PRKCB: variants seen among roughly 807,000 people sequenced by gnomAD.
PRKCB encodes protein kinase C beta.
In PRKCB, 13 loss-of-function variants were observed where a neutral mutation model predicts 81.5. That is an observed-to-expected ratio of 0.16 (90% CI 0.10 to 0.25). The LOEUF (loss-of-function observed/expected upper bound fraction) is 0.25, where lower values mean the gene tolerates loss of function less well. Ranked by LOEUF, PRKCB falls within the 10% of genes least tolerant of loss-of-function variation. The pLI is 1.00. For missense variants in PRKCB, 509 were observed against 875.7 expected (o/e 0.58, Z 5.29); for synonymous variants, 335 against 321.4 (o/e 1.04, Z -0.45).
At chr16:23,916,076 C>T (rs1285778444) in intron 2 of PRKCB, among the ~76,000 whole-genome samples, 1 of 151,990 alleles carries the variant, frequency 6.6e-6, no homozygotes, top group Non-Finnish European at 1.5e-5. Context: ...TTTTTAGAGA[C>T]AGGATCTTGC....
intron 8 of PRKCB, among the ~76,000 whole-genome samples, chr16:24,118,788 T>C (rs1966764253): frequency 6.6e-6 from 1 of 152,188 alleles, no homozygotes; most frequent in South Asian, 2.1e-4. Context: ...AAGGACGAGT[T>C]TAATTTGTGC....
chr16:23,843,987 A>G (rs1374791227), intron 2 of PRKCB, among the ~76,000 whole-genome samples: 7 of 152,206 alleles, frequency 4.6e-5, no homozygotes, highest in Admixed American at 1.3e-4. Context: ...GTATACACAC[A>G]CATATATGTA....
At chr16:24,173,419 A>G (rs1239522083) in intron 11 of PRKCB, among the ~76,000 whole-genome samples, 2 of 152,078 alleles carry the variant, frequency 1.3e-5, no homozygotes, top group African/African-American at 2.4e-5. Flanking sequence ...ACCTTGTCAT[A>G]CTAGAGGCTT....
chr16:24,220,600 T>A lies in PRKCB; in HGVS notation c.*5784T>A, dbSNP rs1968307557. ...AAGAATTGATATGATTAAACTGAAT[T>A]AATATATGCAAGCTCTTGTTTATAT... On this transcript the variant is annotated 3_prime_UTR_variant, in exon 17 of 17. Transcript: ENST00000643927. 1 of 153,504 alleles carries A rather than the reference T, an allele frequency of 6.5e-6. No individual in the cohort carries two copies. Among genetic ancestry groups the A allele is most frequent in the South Asian group, 2.0e-4 (1 of 4,920 alleles). 9.5% of individuals were successfully genotyped at this position (153,504 alleles called of 1,614,324 possible).
chr16:23,990,161 A>G (rs928817944), intron 3 of PRKCB, among the ~76,000 whole-genome samples: 8 of 152,132 alleles, frequency 5.3e-5, no homozygotes, highest in African/African-American at 1.9e-4. Context: ...TAGATGGGAG[A>G]AGAAGCTTTT....
At chr16:23,847,438 A>G (rs28458436) in intron 2 of PRKCB, among the ~76,000 whole-genome samples, 72,195 of 112,102 alleles carry the variant, frequency 0.64, 18,315 homozygotes, top group South Asian at 0.69. Flanking sequence ...CCGTCTGTCC[A>G]TCCATCCATC....
In PRKCB at chr16:24,185,131, T is replaced by C; in HGVS notation, c.1554T>C (p.Tyr518=). The change falls in exon 14 of 17, where the codon TAT becomes TAC. Residue 518 remains tyrosine (Y), a synonymous_variant. Coordinates refer to ENST00000643927, the MANE Select transcript of PRKCB (RefSeq NM_002738.7). ...TCTAGATAATTGCTTATCAGCCCTA[T>C]GGGAAGTCCGTGGATTGGTGGGCAT... ...IAPEIIAYQP[Y]GKSVDWWAFG... is the part of the protein sequence containing the mutation. The C allele has an allele frequency of 6.2e-7, 1 of 1,614,138 alleles. No homozygotes were observed. The highest frequency in any genetic ancestry group is 8.5e-7 in the Non-Finnish European group (1 of 1,179,970).
At chr16:23,975,442 G>T (rs754988564) in intron 2 of PRKCB, among the ~76,000 whole-genome samples, 1 of 152,084 alleles carries the variant, frequency 6.6e-6, no homozygotes, top group Non-Finnish European at 1.5e-5. Context: ...GGTCTAAATC[G>T]CTGTTGCATC....
chr16:23,987,781 G>A (rs1378632554), intron 2 of PRKCB, among the ~76,000 whole-genome samples: 1 of 152,086 alleles, frequency 6.6e-6, no homozygotes, highest in Non-Finnish European at 1.5e-5. Flanking sequence ...CACCAAGACT[G>A]TAAAAGATGA....
rs981235531 is a variant in PRKCB at position 23,836,931 on chromosome 16, C to T, written c.174-444C>T. ...ACTCCTCGGTCACATCACTGCGGGCCCCTTTCTTCCCCAGTCCCTCCAGTA... is the reference window on the plus strand; with the variant it reads ...ACTCCTCGGTCACATCACTGCGGGCTCCTTTCTTCCCCAGTCCCTCCAGTA... On this transcript the variant is annotated intron_variant, in intron 1 of 16. Transcript: ENST00000643927. 2.6e-5 allele frequency among the ~76,000 whole-genome samples: 4 copies of T among 152,096 alleles called. No homozygotes were observed. The South Asian group carries it at 6.2e-4, about 24-fold the overall frequency.
At chr16:24,211,352 T>A (rs543981836) in intron 16 of PRKCB, among the ~76,000 whole-genome samples, 1 of 152,312 alleles carries the variant, frequency 6.6e-6, no homozygotes, top group African/African-American at 2.4e-5. Flanking sequence ...TAAATAATAC[T>A]TGGAGCCATG....
chr16:24,078,554 A>C (rs1455899396), intron 5 of PRKCB, among the ~76,000 whole-genome samples: 2 of 152,192 alleles, frequency 1.3e-5, no homozygotes, highest in Non-Finnish European at 2.9e-5. Context: ...TTGTTTTTCC[A>C]AGCTGGGCTG....
intron 15 of PRKCB, among the ~76,000 whole-genome samples, chr16:24,186,077 C>G (rs929613220): frequency 1.3e-5 from 2 of 152,208 alleles, no homozygotes; most frequent in African/African-American, 4.8e-5. Context: ...ACTGTCTCCT[C>G]TCCCCAGACA....
At chr16:24,013,750 G>T (rs1392875111) in intron 3 of PRKCB, among the ~76,000 whole-genome samples, 2 of 143,302 alleles carry the variant, frequency 1.4e-5, no homozygotes, top group Non-Finnish European at 3.0e-5. Context: ...TGAGGTTCTT[G>T]GTAAAAGATG....
In PRKCB at chr16:24,035,556, C is replaced by T; in HGVS notation, c.529+9C>T. On this transcript the variant is annotated intron_variant, in intron 5 of 16. Coordinates refer to ENST00000643927, the MANE Select transcript of PRKCB (RefSeq NM_002738.7). ...CGTCCTCATTGTCCTCGGTAGGTGG[C>T]CCTGGGGCTCCACTGGCTCCTGACC... 1.9e-6 allele frequency: 3 copies of T among 1,612,414 alleles called. No homozygotes were observed. Among genetic ancestry groups the T allele is most frequent in the Non-Finnish European group, 2.5e-6 (3 of 1,179,232 alleles).
intron 10 of PRKCB, among the ~76,000 whole-genome samples, chr16:24,169,725 GT>G (rs1242460988): frequency 2.0e-5 from 3 of 151,978 alleles, no homozygotes; most frequent in Admixed American, 6.6e-5. Flanking sequence ...ACTTTGCTCT[GT>G]TTTTCCCCCG....
chr16:24,138,475 A>G (rs1280701783), intron 9 of PRKCB, among the ~76,000 whole-genome samples: 1 of 152,246 alleles, frequency 6.6e-6, no homozygotes, highest in African/African-American at 2.4e-5. Context: ...TATTTTAACT[A>G]TCCAGCTTTG....
chr16:24,130,354 A>G (rs1002178113), intron 9 of PRKCB, among the ~76,000 whole-genome samples: 17 of 152,144 alleles, frequency 1.1e-4, no homozygotes, highest in Non-Finnish European at 1.9e-4. Flanking sequence ...GAAGCCAGAG[A>G]AGTCTTCTGT....
intron 7 of PRKCB, among the ~76,000 whole-genome samples, chr16:24,096,828 A>G (rs1198163278): frequency 4.0e-5 from 6 of 150,998 alleles, no homozygotes; most frequent in Non-Finnish European, 8.9e-5. Flanking sequence ...AGAAGTGGCA[A>G]TTGGGCTGCT....
Sources: allele counts gnomAD v4.1 joint callset (sites outside exome capture counted in the v4.1 genomes callset), GRCh38; gene constraint gnomAD v4.1.1; transcripts MANE v1.5; gene names NCBI Gene and HGNC (gene_info 2026-07-23, HGNC 2026-07-21).